The following PIK3CG variants were observed in gnomAD, a reference collection of about 807,000 sequenced individuals.
PIK3CG encodes phosphatidylinositol-4,5-bisphosphate 3-kinase catalytic subunit gamma.
A neutral mutation model predicts 102.3 loss-of-function variants in PIK3CG; 55 were observed. The observed-to-expected ratio is 0.54, with a 90% CI of 0.43 to 0.67. PIK3CG has a LOEUF of 0.67. PIK3CG is among the 30% of genes least tolerant of loss of function. PIK3CG has a pLI of 0.00. For synonymous variants in PIK3CG, 552 were observed against 540.0 expected (o/e 1.02, Z -0.31); for missense variants, 1,258 against 1,391.8 (o/e 0.90, Z 1.53).
At position 106,902,562 on chromosome 7, in the gene PIK3CG, A is replaced by C. The variant is rs1382569530; in HGVS notation, c.3031-2547A>C. On this transcript the variant is annotated intron_variant, in intron 10 of 10. Coordinates refer to ENST00000496166, the MANE Select transcript of PIK3CG (RefSeq NM_001282426.2). This position sits in a 1 kb window ranked among gnomAD's most constrained non-coding sequence, Gnocchi z 4.3. Reference sequence around the variant, plus strand: ...TAAAAGACTAAAAAAAAAAAAGTCCAGTTTTTAGGTAAATTTTCCATCTCA... The same window carrying C: ...TAAAAGACTAAAAAAAAAAAAGTCCCGTTTTTAGGTAAATTTTCCATCTCA... Among the ~76,000 whole-genome samples the C allele has an allele frequency of 2.0e-5, 3 of 151,448 alleles. No individual in the cohort carries two copies. The highest frequency in any genetic ancestry group is 7.3e-5 in the African/African-American group (3 of 41,232).
intron 6 of PIK3CG, among the ~76,000 whole-genome samples, chr7:106,881,850 CAAAACAAAAACA>C (rs1790945497): frequency 6.6e-6 from 1 of 151,800 alleles, no homozygotes; most frequent in South Asian, 2.1e-4. Context: ...ATTCCATCTA[CAAAACAAAAACA>C]AAAACAAAAC....
In PIK3CG at chr7:106,903,297, A is replaced by G. The variant is rs1172678403; in HGVS notation, c.3031-1812A>G. Among the ~76,000 whole-genome samples, 1 of 152,118 alleles carries G rather than the reference A, an allele frequency of 6.6e-6. No homozygotes were observed. Among genetic ancestry groups the G allele is most frequent in the African/African-American group, 2.4e-5 (1 of 41,428 alleles). ...TTCTCTCAGGCCCTAATTATTTCAGATGAACTTTAAACCATATCTGAGTTT... is the reference window on the plus strand; with the variant it reads ...TTCTCTCAGGCCCTAATTATTTCAGGTGAACTTTAAACCATATCTGAGTTT... On this transcript the variant is annotated intron_variant, in intron 10 of 10. Transcript: ENST00000496166. The surrounding 1 kb of genome is among the most constrained non-coding windows in gnomAD (Gnocchi z 4.3).
rs530693822 is a variant in PIK3CG, at chr7:106,887,692, TG to T, written c.3030+1401del. ...CCAGGGACTTGACACATTTCAGTCCTGTTTTTCTTTAAAGTTAAAAATCACA... is the reference window on the plus strand; with the variant it reads ...CCAGGGACTTGACACATTTCAGTCCTTTTTTCTTTAAAGTTAAAAATCACA... On this transcript the variant is annotated intron_variant, in intron 10 of 10. Coordinates refer to ENST00000496166, the MANE Select transcript of PIK3CG (RefSeq NM_001282426.2). 2.8e-3 allele frequency among the ~76,000 whole-genome samples: 419 copies of T among 152,282 alleles called. 5 individuals carry two copies. The highest frequency in any genetic ancestry group is 9.6e-3 in the African/African-American group (397 of 41,560).
In PIK3CG at chr7:106,868,732, C is replaced by A. The variant is rs2116448508; in HGVS notation, c.1171C>A (p.Gln391Lys). ...TGTAGAGGCAAACATCCAGCATGGG[C>A]AACAAGTCCTTTGCCAAAGGAGAAC... The part of the protein sequence containing the change: ...VFVEANIQHG[Q>K]QVLCQRRTSP... The change falls in exon 2 of 11, where the codon CAA (glutamine) becomes AAA (lysine). Residue 391 changes from glutamine (Q) to lysine (K), a missense_variant. Gln to Lys is a moderately conservative substitution (Grantham distance 53). Coordinates refer to ENST00000496166, the MANE Select transcript of PIK3CG (RefSeq NM_001282426.2). This position sits in a 1 kb window ranked among gnomAD's most constrained non-coding sequence, Gnocchi z 6.2. 1 of 1,614,238 alleles carries A rather than the reference C, an allele frequency of 6.2e-7. No homozygotes were observed. Among genetic ancestry groups the A allele is most frequent in the Non-Finnish European group, 8.5e-7 (1 of 1,180,046 alleles).
intron 9 of PIK3CG, among the ~76,000 whole-genome samples, chr7:106,885,790 T>C (rs778573005): frequency 4.3e-4 from 66 of 152,106 alleles, no homozygotes; most frequent in Non-Finnish European, 8.2e-4. Context: ...CAGTCTATCC[T>C]GAGTTGCGTA....
chr7:106,901,610 G>C (rs61179386), intron 10 of PIK3CG, among the ~76,000 whole-genome samples: 62,932 of 151,982 alleles, frequency 0.41, 13,169 homozygotes, highest in East Asian at 0.46. Context: ...AACTGGTGTG[G>C]TTGTTTGGAG....
At chr7:106,888,326 A>G (rs1184853449) in intron 10 of PIK3CG, among the ~76,000 whole-genome samples, 1 of 152,162 alleles carries the variant, frequency 6.6e-6, no homozygotes, top group Non-Finnish European at 1.5e-5. Context: ...GTTGCTGACA[A>G]CATTCCCATA....
At chr7:106,904,069 T>C (rs1791629459) in intron 10 of PIK3CG, among the ~76,000 whole-genome samples, 1 of 152,150 alleles carries the variant, frequency 6.6e-6, no homozygotes, top group Admixed American at 6.5e-5. Context: ...CCCACTTTTC[T>C]GATTTCATAC....
chr7:106,867,811 G>A lies in PIK3CG; in HGVS notation c.250G>A (p.Ala84Thr), dbSNP rs2116422550. The A allele has an allele frequency of 1.2e-6, 2 of 1,612,486 alleles. No individual in the cohort carries two copies. Among genetic ancestry groups the A allele is most frequent in the Non-Finnish European group, 1.7e-6 (2 of 1,179,940 alleles). Residue 84 changes from alanine (A) to threonine (T), a missense_variant, in exon 2 of 11, where the codon GCG becomes ACG. By Grantham distance (58) the Ala-to-Thr change is moderately conservative. This residue lies in a region of PIK3CG where 832 missense variants were observed against 787.5 expected (regional missense o/e 1.06). Transcript: ENST00000496166. The surrounding 1 kb of genome is among the most constrained non-coding windows in gnomAD (Gnocchi z 5.1). ...VWLRALETSV[A>T]ADFYHRLGPH... ...GCTGCGAGCGCTGGAGACCAGCGTGGCGGCGGACTTCTACCACCGGCTGGG... is the reference window on the plus strand; with the variant it reads ...GCTGCGAGCGCTGGAGACCAGCGTGACGGCGGACTTCTACCACCGGCTGGG...
rs1173131572 is a variant in PIK3CG at position 106,867,715 on chromosome 7, A to C, written c.154A>C (p.Lys52Gln). ...FVLPTSQRKC[K>Q]SPETALLHVA... ...GCTGCCCACCAGCCAGCGCAAATGCAAGAGCCCCGAAACGGCGCTGCTGCA... is the reference window on the plus strand; with the variant it reads ...GCTGCCCACCAGCCAGCGCAAATGCCAGAGCCCCGAAACGGCGCTGCTGCA... The change falls in exon 2 of 11, where the codon AAG becomes CAG. Residue 52 changes from lysine to glutamine, a missense_variant. Physicochemically the swap from Lys to Gln is moderately conservative, Grantham distance 53. This residue lies in a region of PIK3CG where 832 missense variants were observed against 787.5 expected (regional missense o/e 1.06). Coordinates refer to ENST00000496166, the MANE Select transcript of PIK3CG (RefSeq NM_001282426.2). This position sits in a 1 kb window ranked among gnomAD's most constrained non-coding sequence, Gnocchi z 5.1. The C allele has an allele frequency of 1.2e-6, 2 of 1,613,160 alleles. No individual in the cohort carries two copies. Among genetic ancestry groups the C allele is most frequent in the South Asian group, 1.1e-5 (1 of 91,070 alleles).
chr7:106,867,972 G>C lies in PIK3CG; in HGVS notation c.411G>C (p.Leu137=), dbSNP rs1790365234. 2.5e-6 allele frequency: 4 copies of C among 1,612,338 alleles called. No individual in the cohort carries two copies. Among genetic ancestry groups the C allele is most frequent in the Non-Finnish European group, 3.4e-6 (4 of 1,179,296 alleles). The change falls in exon 2 of 11, where the codon CTG becomes CTC. Residue 137 remains leucine, a synonymous_variant. Transcript: ENST00000496166. The surrounding 1 kb of genome is among the most constrained non-coding windows in gnomAD (Gnocchi z 5.1). ...ATHRSPGQIH[L]VQRHPPSEES... The stretch of plus-strand genomic sequence containing the variant: ...ACCGGAGCCCGGGCCAGATCCACCT[G>C]GTGCAGCGGCACCCGCCCTCCGAGG...
chr7:106,901,450 G>A (rs1449904904), intron 10 of PIK3CG, among the ~76,000 whole-genome samples: 17 of 152,074 alleles, frequency 1.1e-4, no homozygotes, highest in Admixed American at 1.1e-3. Flanking sequence ...TCATTCTTCA[G>A]TTCCTGCATC....
chr7:106,875,695 A>T (rs1423793864), intron 5 of PIK3CG, among the ~76,000 whole-genome samples: 1 of 152,204 alleles, frequency 6.6e-6, no homozygotes, highest in Non-Finnish European at 1.5e-5. Context: ...ACTTAGTAGT[A>T]GTCCCTTGTA....
intron 5 of PIK3CG, among the ~76,000 whole-genome samples, chr7:106,875,356 T>G: frequency 1.4e-5 from 1 of 73,676 alleles, no homozygotes; most frequent in African/African-American, 3.9e-5. Context: ...CAAGACTCCG[T>G]CTCAAAAAAA....
chr7:106,882,686 A>G (rs1376717412), intron 7 of PIK3CG: 1 of 200,212 alleles, frequency 5.0e-6, no homozygotes, highest in Non-Finnish European at 1.0e-5. Context: ...CTACAAAACC[A>G]TTTACATTTA....
In PIK3CG at chr7:106,868,395, T is replaced by G. The variant is rs2116439217; in HGVS notation, c.834T>G (p.Asp278Glu). 1.9e-6 allele frequency: 3 copies of G among 1,614,170 alleles called. No individual in the cohort carries two copies. Among genetic ancestry groups the G allele is most frequent in the Non-Finnish European group, 2.5e-6 (3 of 1,180,028 alleles). The change falls in exon 2 of 11, where the codon GAT becomes GAG. Residue 278 changes from aspartate to glutamate, a missense_variant. Around this residue, in one of 2 missense-constraint regions of PIK3CG, gnomAD observed 832 missense variants for 787.5 expected, o/e 1.06. Transcript: ENST00000496166. The surrounding 1 kb of genome is among the most constrained non-coding windows in gnomAD (Gnocchi z 6.2). The stretch of plus-strand genomic sequence containing the variant: ...TTGTGCTGCGCGTCTGTGGCCGGGA[T>G]GAGTACCTGGTGGGCGAAACGCCCA... The part of the protein sequence containing the change: ...QDFVLRVCGR[D>E]EYLVGETPIK...
chr7:106,906,362 G>A lies in PIK3CG; in HGVS notation c.*975G>A, dbSNP rs945741714. ...AGATGTTTAGTGACTTTTTTTTCAA[G>A]TATCTTATTAAAGGAGGCATTCTAG... On this transcript the variant is annotated 3_prime_UTR_variant, in exon 11 of 11. Coordinates refer to ENST00000496166, the MANE Select transcript of PIK3CG (RefSeq NM_001282426.2). 3 of 228,090 alleles carry A rather than the reference G, an allele frequency of 1.3e-5. No homozygotes were observed. Among genetic ancestry groups the A allele is most frequent in the Non-Finnish European group, 2.6e-5 (3 of 115,276 alleles). The allele number at this position is 228,090 out of a possible 1,614,324, so 14.1% of individuals were successfully genotyped here.
intron 9 of PIK3CG, among the ~76,000 whole-genome samples, chr7:106,885,389 T>C (rs1791056435): frequency 1.3e-5 from 2 of 152,130 alleles, no homozygotes; most frequent in Non-Finnish European, 2.9e-5. Context: ...CACTCCACTT[T>C]AGTGGTTCAC....
At chr7:106,885,558 A>G (rs1791061399) in intron 9 of PIK3CG, among the ~76,000 whole-genome samples, 1 of 152,276 alleles carries the variant, frequency 6.6e-6, no homozygotes, top group Admixed American at 6.5e-5. Flanking sequence ...TATGGACAAT[A>G]GAAATGATAA....
Sources: allele counts gnomAD v4.1 joint callset (sites outside exome capture counted in the v4.1 genomes callset), GRCh38; gene constraint gnomAD v4.1.1; regional missense constraint gnomAD v4.1.1; non-coding constraint Gnocchi (gnomAD v3.1); transcripts MANE v1.5; gene names NCBI Gene and HGNC (gene_info 2026-07-23, HGNC 2026-07-21).